TRPM7: variants seen among roughly 807,000 people sequenced by gnomAD.
TRPM7 encodes the protein transient receptor potential cation channel subfamily M member 7.
Under a neutral mutation model 229.7 loss-of-function variants are expected in TRPM7, and 134 were observed. The ratio of observed to expected loss-of-function variants is 0.58; its 90% confidence interval spans 0.51 to 0.67. The LOEUF (loss-of-function observed/expected upper bound fraction) is 0.67, where lower values mean the gene tolerates loss of function less well. Among genes scored for constraint, TRPM7 ranks in the 30% least tolerant of loss-of-function variants. The pLI, the probability that TRPM7 is intolerant of heterozygous loss-of-function variation, is 0.00. For synonymous variants in TRPM7, 699 were observed against 715.2 expected (o/e 0.98, Z 0.36); for missense variants, 1,901 against 2,210.0 (o/e 0.86, Z 2.80).
rs772123146 is a variant in TRPM7 at position 50,589,577 on chromosome 15, T to C, written c.4389+15A>G. The stretch of plus-strand genomic sequence containing the variant: ...ATAAATAGAACTGTGGGTGTTTTAA[T>C]AAGGATTTACTTACGGATAGTATTT... On this transcript the variant is annotated intron_variant, in intron 27 of 38. Coordinates refer to ENST00000646667, the MANE Select transcript of TRPM7 (RefSeq NM_017672.6). The C allele has an allele frequency of 8.7e-6, 13 of 1,494,022 alleles. No homozygotes were observed. The highest frequency in any genetic ancestry group is 1.8e-4 in the Middle Eastern group (1 of 5,594). The allele number at this position is 1,494,022 out of a possible 1,614,324, so 92.5% of individuals were successfully genotyped here.
chr15:50,583,009 A>G (rs943478100), intron 29 of TRPM7, 80 bp downstream of exon 29: 1 of 1,087,472 alleles, frequency 9.2e-7, no homozygotes, highest in South Asian at 2.0e-5. Flanking sequence ...ATAGTCCCAA[A>G]TATCACCACT....
intron 3 of TRPM7, among the ~76,000 whole-genome samples, chr15:50,649,505 CTAA>C (rs2061358805): frequency 1.3e-5 from 2 of 151,174 alleles, no homozygotes; most frequent in African/African-American, 2.4e-5. Context: ...GAATGAACCA[CTAA>C]TAATACTACA....
At chr15:50,589,504 C>G (rs1340382350) in intron 27 of TRPM7, 88 bp downstream of exon 27, 5 of 928,436 alleles carry the variant, frequency 5.4e-6, no homozygotes, top group South Asian at 3.0e-5. Context: ...TGTATTTTTG[C>G]TGAAAAAATG....
chr15:50,632,669 C>G (rs1024939751), intron 9 of TRPM7, among the ~76,000 whole-genome samples, 200 bp downstream of exon 9: 1 of 152,146 alleles, frequency 6.6e-6, no homozygotes, highest in Non-Finnish European at 1.5e-5. Flanking sequence ...AGTCTCAATA[C>G]CATATAAAAA....
At chr15:50,628,840 A>C (rs1475270095) in intron 10 of TRPM7, among the ~76,000 whole-genome samples, 1 of 152,234 alleles carries the variant, frequency 6.6e-6, no homozygotes, top group Non-Finnish European at 1.5e-5. Context: ...TAGGATTCTG[A>C]AAATAGCCTG....
At position 50,614,104 on chromosome 15, in the gene TRPM7, C is replaced by T; in HGVS notation, c.1635+19G>A. The T allele has an allele frequency of 1.3e-6, 2 of 1,578,200 alleles. No homozygotes were observed. The highest frequency in any genetic ancestry group is 2.3e-5 in the South Asian group (2 of 86,732). On this transcript the variant is annotated intron_variant, in intron 14 of 38. Coordinates refer to ENST00000646667, the MANE Select transcript of TRPM7 (RefSeq NM_017672.6). ...AATATTAAAGCATATATATAGATTTCCCCACAAATTTTACATACCCGATTA... is the reference window on the plus strand; with the variant it reads ...AATATTAAAGCATATATATAGATTTTCCCACAAATTTTACATACCCGATTA...
At chr15:50,651,230 C>T (rs2061411987) in intron 3 of TRPM7, among the ~76,000 whole-genome samples, 1 of 147,138 alleles carries the variant, frequency 6.8e-6, no homozygotes, top group Non-Finnish European at 1.5e-5. Flanking sequence ...CTGAGGCATG[C>T]AAAGAAGCAG....
intron 38 of TRPM7, among the ~76,000 whole-genome samples, chr15:50,563,555 T>C (rs1345348337): frequency 1.3e-5 from 2 of 152,202 alleles, no homozygotes; most frequent in East Asian, 1.9e-4. Context: ...ATTTGATGAA[T>C]TGGCTATGAA....
intron 13 of TRPM7, among the ~76,000 whole-genome samples, chr15:50,618,308 CG>C (rs1177543747): frequency 6.6e-6 from 1 of 151,958 alleles, no homozygotes; most frequent in Non-Finnish European, 1.5e-5. Context: ...AAAATGCTCA[CG>C]CCTGTAATCC....
chr15:50,628,595 A>G (rs894307642), intron 10 of TRPM7, among the ~76,000 whole-genome samples: 6 of 152,170 alleles, frequency 3.9e-5, no homozygotes, highest in African/African-American at 1.4e-4. Context: ...TGTGAGCCAC[A>G]GTGCCCAGCA....
chr15:50,658,791 T>C (rs1388203295), intron 2 of TRPM7, among the ~76,000 whole-genome samples: 2 of 152,238 alleles, frequency 1.3e-5, no homozygotes, highest in South Asian at 2.1e-4. Context: ...GGTCGTTGAC[T>C]GCAGAATTTT....
intron 4 of TRPM7, among the ~76,000 whole-genome samples, chr15:50,647,604 G>C (rs1239306581): frequency 1.3e-5 from 2 of 152,040 alleles, no homozygotes; most frequent in African/African-American, 2.4e-5. Context: ...AATTAGCTGG[G>C]CATGGTGGCA....
chr15:50,589,755 G>A, intron 26 of TRPM7, 99 bp from the exon 27 acceptor site: 1 of 718,880 alleles, frequency 1.4e-6, no homozygotes, highest in Non-Finnish European at 2.3e-6. Flanking sequence ...GGTTTATGCT[G>A]TTTTTCAAGT....
rs1389690718 is a variant in TRPM7 at position 50,614,330 on chromosome 15, G to C, written c.1495-67C>G. ...TCTCAATATTGCCATGCCCTGCCTAGGAACAGGCCTACTCTCCAAAATGAC... is the reference window on the plus strand; with the variant it reads ...TCTCAATATTGCCATGCCCTGCCTACGAACAGGCCTACTCTCCAAAATGAC... On this transcript the variant is annotated intron_variant, in intron 13 of 38. Transcript: ENST00000646667. The C allele has an allele frequency of 6.5e-6, 9 of 1,377,906 alleles. No homozygotes were observed. The African/African-American group carries it at 1.2e-4, about 18-fold the overall frequency. 85.4% of individuals were successfully genotyped at this position (1,377,906 alleles called of 1,614,324 possible).
At position 50,609,680 on chromosome 15, in the gene TRPM7, C is replaced by G; in HGVS notation, c.2481G>C (p.Lys827Asn). The G allele has an allele frequency of 6.2e-7, 1 of 1,610,024 alleles. No homozygotes were observed. The highest frequency in any genetic ancestry group is 1.1e-5 in the South Asian group (1 of 90,292). Residue 827 changes from lysine to asparagine, a missense_variant, in exon 19 of 39, where the codon AAG (lysine) becomes AAC (asparagine). Transcript: ENST00000646667. ...EVRILDSNEG[K>N]NEMEIQMKSK... ...ATTTCATTTGTATCTCCATCTCATT[C>G]TTTCCTTCATTACTATCCAAAATCC...
intron 28 of TRPM7, among the ~76,000 whole-genome samples, chr15:50,583,449 C>A (rs2054524440): frequency 1.3e-5 from 2 of 152,094 alleles, no homozygotes; most frequent in African/African-American, 4.8e-5. Context: ...AAAGGTAATT[C>A]ATTTCTTGCA....
At chr15:50,612,064 T>G (rs1018433308) in intron 16 of TRPM7, among the ~76,000 whole-genome samples, 14 of 152,232 alleles carry the variant, frequency 9.2e-5, no homozygotes, top group Non-Finnish European at 2.1e-4. Flanking sequence ...CAATTGCTAC[T>G]ATTTGCAAAA....
intron 1 of TRPM7, among the ~76,000 whole-genome samples, chr15:50,672,494 T>C (rs974697266): frequency 1.3e-5 from 2 of 151,974 alleles, no homozygotes; most frequent in African/African-American, 4.8e-5. Context: ...TGAGGCAAGA[T>C]GAGAGGTGGA....
Position 50,613,778 on chromosome 15 carries a change from T to C in TRPM7, c.1699A>G (p.Asn567Asp). 1 of 1,614,082 alleles carries C rather than the reference T, an allele frequency of 6.2e-7. No individual in the cohort carries two copies. Among genetic ancestry groups the C allele is most frequent in the East Asian group, 2.2e-5 (1 of 44,870 alleles). The change falls in exon 15 of 39, where the codon AAT (asparagine) becomes GAT (aspartate). Residue 567 changes from asparagine (N) to aspartate (D), a missense_variant. Transcript: ENST00000646667. ...ATTTTTTCCTTTTTATCTGCCCTATTGCCAAAAGATTCATGACTCTTTCGC... is the reference window on the plus strand; with the variant it reads ...ATTTTTTCCTTTTTATCTGCCCTATCGCCAAAAGATTCATGACTCTTTCGC... ...QLRKSHESFG[N>D]RADKKEKMRH...
Sources: gnomAD v4.1 joint callset for allele counts (sites outside exome capture counted in the v4.1 genomes callset) on GRCh38, gnomAD v4.1.1 for gene constraint, MANE v1.5 for transcripts, NCBI Gene and HGNC (gene_info 2026-07-23, HGNC 2026-07-21) for gene names.